GPC5: variants seen among roughly 807,000 people sequenced by gnomAD.
GPC5 encodes glypican 5.
A neutral mutation model predicts 53.9 loss-of-function variants in GPC5; 47 were observed. The observed-to-expected ratio is 0.87, with a 90% CI of 0.69 to 1.11. The LOEUF (loss-of-function observed/expected upper bound fraction) is 1.11. GPC5 is among the 50% of genes most tolerant of loss of function. The pLI is 0.00. For missense variants in GPC5, 748 were observed against 713.1 expected (o/e 1.05, Z -0.56); for synonymous variants, 286 against 263.3 (o/e 1.09, Z -0.84).
intron 7 of GPC5, among the ~76,000 whole-genome samples, chr13:92,590,362 A>G (rs887182685): frequency 5.3e-5 from 8 of 152,156 alleles, no homozygotes; most frequent in Non-Finnish European, 8.8e-5. Flanking sequence ...CAGTTTATCT[A>G]TTGAAAAGGG....
At chr13:91,468,498 A>G (rs577597735) in intron 2 of GPC5, among the ~76,000 whole-genome samples, 8 of 152,286 alleles carry the variant, frequency 5.3e-5, no homozygotes, top group East Asian at 1.9e-4. Flanking sequence ...AAATATGTAC[A>G]GAGGAAAGAT....
chr13:91,618,637 G>A lies in GPC5; in HGVS notation c.326-74550G>A, dbSNP rs763783327. On this transcript the variant is annotated intron_variant, in intron 2 of 7. Coordinates refer to ENST00000377067, the MANE Select transcript of GPC5 (RefSeq NM_004466.6). ...AGACCAGTGGCAAGATCTTGATTAC[G>A]CATTTTAATAACACATATTTTTTTT... is the stretch of plus-strand genomic sequence containing the variant. Among the ~76,000 whole-genome samples the A allele has an allele frequency of 6.8e-5, 9 of 133,004 alleles. 1 individual carries two copies. In the South Asian group the frequency reaches 1.5e-3, roughly 22 times the overall value. The allele number at this position is 133,004 out of a possible 152,430, so 87.3% of individuals were successfully genotyped here. A position where few individuals can be genotyped will look rare whatever the true frequency, so the allele number is the denominator to read the frequency against.
chr13:92,221,299 T>C (rs1167203234), intron 7 of GPC5, among the ~76,000 whole-genome samples: 1 of 152,238 alleles, frequency 6.6e-6, no homozygotes, highest in Non-Finnish European at 1.5e-5. Flanking sequence ...AAATACGCTA[T>C]AGTTCATCCA....
At chr13:92,495,147 AAAT>A (rs1879923273) in intron 7 of GPC5, among the ~76,000 whole-genome samples, 1 of 152,226 alleles carries the variant, frequency 6.6e-6, no homozygotes, top group African/African-American at 2.4e-5. Flanking sequence ...AGCACGCTGA[AAAT>A]AATATTACAT....
chr13:92,192,285 A>G (rs1187947584), intron 7 of GPC5, among the ~76,000 whole-genome samples: 3 of 152,150 alleles, frequency 2.0e-5, no homozygotes, highest in Non-Finnish European at 4.4e-5. Flanking sequence ...AAACAAATAT[A>G]CCACTCTCGC....
chr13:92,160,593 C>T (rs914202848), intron 7 of GPC5, among the ~76,000 whole-genome samples: 14 of 152,052 alleles, frequency 9.2e-5, no homozygotes, highest in Non-Finnish European at 1.5e-5. Context: ...TCCCTTGAAC[C>T]ATTAAGTCTT....
chr13:91,832,299 TC>T (rs2038669918), intron 5 of GPC5, among the ~76,000 whole-genome samples: 1 of 115,040 alleles, frequency 8.7e-6, no homozygotes, highest in African/African-American at 2.9e-5. Context: ...TGCTTTTTTC[TC>T]TTTTTTTTTT....
In GPC5 at chr13:91,502,385, C is replaced by T. The variant is rs527646270; in HGVS notation, c.325+53463C>T. Among the ~76,000 whole-genome samples the T allele has an allele frequency of 2.0e-5, 3 of 152,242 alleles. No homozygotes were observed. In the South Asian group the frequency reaches 6.2e-4, roughly 32 times the overall value. ...AGGGTTTTTATGGTTTTAGGTCTAA[C>T]ATTTGAATTAATTAACTTTGGTTGT... On this transcript the variant is annotated intron_variant, in intron 2 of 7. Transcript: ENST00000377067.
At chr13:92,341,168 A>T (rs949160628) in intron 7 of GPC5, among the ~76,000 whole-genome samples, 1 of 152,186 alleles carries the variant, frequency 6.6e-6, no homozygotes, top group South Asian at 2.1e-4. Flanking sequence ...AAAATAGTTT[A>T]AAAATATCAA....
intron 5 of GPC5, among the ~76,000 whole-genome samples, chr13:91,792,495 T>G (rs569820163): frequency 7.2e-5 from 11 of 152,306 alleles, no homozygotes; most frequent in Admixed American, 7.2e-4. Flanking sequence ...TATAATAGAG[T>G]GACCACTCTG....
intron 7 of GPC5, chr13:92,448,492 T>C (rs549383230): frequency 4.0e-5 from 6 of 151,264 alleles, no homozygotes; most frequent in African/African-American, 1.5e-4. Context: ...ACAAAACTTA[T>C]CTACTGTAAT....
chr13:92,388,441 G>T (rs1187755665), intron 7 of GPC5, among the ~76,000 whole-genome samples: 1 of 152,184 alleles, frequency 6.6e-6, no homozygotes, highest in Non-Finnish European at 1.5e-5. Context: ...GACTAAGACA[G>T]CATGGATATT....
chr13:92,746,124 C>G (rs9561134), intron 7 of GPC5, among the ~76,000 whole-genome samples: 1 of 152,070 alleles, frequency 6.6e-6, no homozygotes, highest in Non-Finnish European at 1.5e-5. Context: ...ATCCTGTCGT[C>G]TAGTCATTCC....
At chr13:91,519,070 G>A (rs1566470906) in intron 2 of GPC5, among the ~76,000 whole-genome samples, 1 of 152,168 alleles carries the variant, frequency 6.6e-6, no homozygotes, top group Non-Finnish European at 1.5e-5. Context: ...TGTTTTCCGT[G>A]AATTAGCTAA....
chr13:91,498,757 G>C (rs1594170693), intron 2 of GPC5, among the ~76,000 whole-genome samples: 1 of 152,108 alleles, frequency 6.6e-6, no homozygotes, highest in East Asian at 1.9e-4. Context: ...GATCATTTGA[G>C]GTCAAAGTTC....
intron 6 of GPC5, among the ~76,000 whole-genome samples, chr13:91,984,727 T>G (rs1481061345): frequency 2.0e-5 from 3 of 152,258 alleles, no homozygotes; most frequent in Non-Finnish European, 2.9e-5. Context: ...AATGTTGTTT[T>G]TTAGCCTTAT....
chr13:92,549,916 C>CAT (rs1184513508), intron 7 of GPC5, among the ~76,000 whole-genome samples: 19 of 145,342 alleles, frequency 1.3e-4, no homozygotes, highest in African/African-American at 4.8e-4. Flanking sequence ...CACACACACA[C>CAT]ACACAATTCT....
At chr13:92,068,951 TTAATC>T (rs1467962366) in intron 6 of GPC5, among the ~76,000 whole-genome samples, 1 of 151,916 alleles carries the variant, frequency 6.6e-6, no homozygotes, top group East Asian at 1.9e-4. Context: ...AAACCATTGT[TTAATC>T]TAAGGTCATG....
At chr13:92,080,227 AG>A (rs1432179676) in intron 6 of GPC5, among the ~76,000 whole-genome samples, 2 of 152,020 alleles carry the variant, frequency 1.3e-5, no homozygotes, top group African/African-American at 4.8e-5. Context: ...CGTTCTCCAC[AG>A]GTCTGCTCTC....
Sources: gnomAD v4.1 joint callset for allele counts (sites outside exome capture counted in the v4.1 genomes callset) on GRCh38, gnomAD v4.1.1 for gene constraint, MANE v1.5 for transcripts, NCBI Gene and HGNC (gene_info 2026-07-23, HGNC 2026-07-21) for gene names.